Variants in TFB1M observed in about 807,000 individuals in gnomAD.
TFB1M encodes transcription factor B1, mitochondrial, also known as dimethyladenosine transferase 1, mitochondrial.
In TFB1M, 27 loss-of-function variants were observed where a neutral mutation model predicts 31.1. The ratio of observed to expected loss-of-function variants is 0.87; its 90% CI spans 0.64 to 1.20. TFB1M has a LOEUF of 1.20. TFB1M is among the 50% of genes most tolerant of loss of function. The pLI, the probability that TFB1M is intolerant of heterozygous loss-of-function variation, is 0.00. For missense variants in TFB1M, 394 were observed against 418.7 expected, an observed-to-expected ratio of 0.94 and a Z score of 0.51; for synonymous variants, 166 against 151.8, an observed-to-expected ratio of 1.09 and a Z score of -0.69.
At chr6:155,282,759 GCT>G (rs1297208523) in intron 5 of TFB1M, among the ~76,000 whole-genome samples, 1 of 149,232 alleles carries the variant, frequency 6.7e-6, no homozygotes, top group Non-Finnish European at 1.5e-5. Flanking sequence ...ATGGAGTCTC[GCT>G]CTGTCACCCA....
intron 5 of TFB1M, among the ~76,000 whole-genome samples, chr6:155,261,254 T>C (rs1443379745): frequency 2.0e-5 from 3 of 152,204 alleles, no homozygotes; most frequent in Non-Finnish European, 4.4e-5. Flanking sequence ...GGAAGTCTCG[T>C]CATAATTGAC....
chr6:155,269,905 C>T (rs1290324045), intron 5 of TFB1M, among the ~76,000 whole-genome samples: 1 of 152,196 alleles, frequency 6.6e-6, no homozygotes, highest in African/African-American at 2.4e-5. Context: ...TGTATCCCTA[C>T]TATGTGCCAG....
At chr6:155,245,320 C>G in the TFB1M span, among the ~76,000 whole-genome samples, 3 of 152,234 alleles carry the variant, frequency 2.0e-5, no homozygotes, top group African/African-American at 7.2e-5. Flanking sequence ...ATTAGTGAAC[C>G]TCTCTCAGAT....
chr6:155,277,506 C>A (rs1785277629), intron 5 of TFB1M, among the ~76,000 whole-genome samples: 1 of 152,126 alleles, frequency 6.6e-6, no homozygotes, highest in African/African-American at 2.4e-5. Context: ...AAGATTATTT[C>A]TTTGTACATT....
At chr6:155,236,168 G>C in the TFB1M span, among the ~76,000 whole-genome samples, 1 of 151,882 alleles carries the variant, frequency 6.6e-6, no homozygotes, top group East Asian at 1.9e-4. Flanking sequence ...CAGAACACCA[G>C]AGTCATGGCT....
chr6:155,255,082 T>C (rs1783914696), downstream of TFB1M: 1 of 154,634 alleles, frequency 6.5e-6, no homozygotes, highest in Non-Finnish European at 1.4e-5. Context: ...ATTCAATACA[T>C]TTCATGAGAT....
intron 5 of TFB1M, among the ~76,000 whole-genome samples, chr6:155,263,449 A>G (rs1160263770): frequency 6.6e-6 from 1 of 152,170 alleles, no homozygotes; most frequent in East Asian, 1.9e-4. Flanking sequence ...AATGAATTTA[A>G]ATATTTGCCT....
chr6:155,287,649 A>G (rs925531394), intron 4 of TFB1M, among the ~76,000 whole-genome samples: 1 of 152,002 alleles, frequency 6.6e-6, no homozygotes, highest in East Asian at 1.9e-4. Flanking sequence ...AAAGTTTAAG[A>G]TAGTACAACT....
chr6:155,296,486 G>T (rs1374252866), intron 4 of TFB1M, among the ~76,000 whole-genome samples: 1 of 144,244 alleles, frequency 6.9e-6, no homozygotes, highest in Non-Finnish European at 1.5e-5. Flanking sequence ...CACCATGTTG[G>T]CCAGGCTGGT....
chr6:155,259,383 T>C (rs1784285795), intron 6 of TFB1M, among the ~76,000 whole-genome samples: 1 of 152,258 alleles, frequency 6.6e-6, no homozygotes, highest in South Asian at 2.1e-4. Context: ...AGTGGCAGGC[T>C]GAGGCTCCAG....
At chr6:155,274,039 A>C (rs1488891634) in intron 5 of TFB1M, among the ~76,000 whole-genome samples, 1 of 152,218 alleles carries the variant, frequency 6.6e-6, no homozygotes, top group African/African-American at 2.4e-5. Context: ...CTTAAAATGT[A>C]TTAACTTATT....
chr6:155,240,709 G>A, the TFB1M span: 1 of 1,608,604 alleles, frequency 6.2e-7, no homozygotes, highest in Admixed American at 1.7e-5. Flanking sequence ...CCTACGTGAA[G>A]GTAAGGGAAG....
At chr6:155,297,383 T>G (rs1219250263) in intron 3 of TFB1M, among the ~76,000 whole-genome samples, 1 of 152,128 alleles carries the variant, frequency 6.6e-6, no homozygotes, top group African/African-American at 2.4e-5. Flanking sequence ...AGAGTTGGCT[T>G]GAGGAAAAAG....
At chr6:155,312,744 A>C in intron 1 of TFB1M, among the ~76,000 whole-genome samples, 1 of 152,224 alleles carries the variant, frequency 6.6e-6, no homozygotes, top group Admixed American at 6.5e-5. Context: ...TAGAATTTGA[A>C]ACTTACTCCT....
Position 155,257,189 on chromosome 6 carries a change from GCAAAA to G in TFB1M, c.*642_*646del. ...TTAAACTGGTGGTAAAGTGGAAATT[GCAAAA>G]AAAAAAAAAAAAAAAAACTGTTCAT... On this transcript the variant is annotated 3_prime_UTR_variant, in exon 7 of 7. Coordinates refer to ENST00000367166, the MANE Select transcript of TFB1M (RefSeq NM_016020.4). The G allele has an allele frequency of 1.9e-6, 1 of 535,428 alleles. No individual in the cohort carries two copies. Among genetic ancestry groups the G allele is most frequent in the Non-Finnish European group, 2.6e-6 (1 of 387,956 alleles). 33.2% of individuals were successfully genotyped at this position (535,428 alleles called of 1,614,324 possible). A position where few individuals can be genotyped will look rare whatever the true frequency, so the allele number is the denominator to read the frequency against.
In TFB1M at chr6:155,292,133, G is replaced by A. The variant is rs550161329; in HGVS notation, c.546+4820C>T. On this transcript the variant is annotated intron_variant, in intron 4 of 6. Transcript: ENST00000367166. ...GAGGCCCTTCTCAGGCTGCAGCAGA[G>A]GCAGGGGGCAGCTCAAACTGAGCCT... 3.3e-5 allele frequency among the ~76,000 whole-genome samples: 5 copies of A among 152,304 alleles called. No homozygotes were observed. The South Asian group carries it at 1.0e-3, about 32-fold the overall frequency.
At chr6:155,260,577 G>A (rs575768528) in intron 5 of TFB1M, 177 bp from the exon 6 acceptor site, 6 of 758,320 alleles carry the variant, frequency 7.9e-6, no homozygotes, top group East Asian at 2.8e-5. Context: ...TTCTGGATTC[G>A]CAAATGACAT....
At chr6:155,250,507 G>A in the TFB1M span, 1 of 1,525,692 alleles carries the variant, frequency 6.6e-7, no homozygotes, top group Non-Finnish European at 8.8e-7. Flanking sequence ...CTTCACTCTG[G>A]CCAGTTTCAA....
At chr6:155,265,111 T>C (rs773826519) in intron 5 of TFB1M, among the ~76,000 whole-genome samples, 6 of 152,198 alleles carry the variant, frequency 3.9e-5, no homozygotes, top group Non-Finnish European at 8.8e-5. Flanking sequence ...ACGTGCCCTG[T>C]GTTTCCTGTC....
Sources: allele counts gnomAD v4.1 joint callset (sites outside exome capture counted in the v4.1 genomes callset), GRCh38; gene constraint gnomAD v4.1.1; transcripts MANE v1.5; gene names NCBI Gene and HGNC (gene_info 2026-07-23, HGNC 2026-07-21).